LRRC4C: variants seen among roughly 807,000 people sequenced by gnomAD.
LRRC4C encodes the protein leucine rich repeat containing 4C, also known as leucine-rich repeat-containing protein 4C.
LRRC4C carries 5 observed loss-of-function variants against 33.6 expected under a neutral mutation model. The observed-to-expected ratio is 0.15, with a 90% confidence interval of 0.08 to 0.31. LRRC4C has a LOEUF of 0.31. Among genes scored for constraint, LRRC4C ranks in the 10% least tolerant of loss-of-function variants. LRRC4C has a pLI of 1.00. For missense variants in LRRC4C, 560 were observed against 796.7 expected (o/e 0.70, Z 3.58); for synonymous variants, 329 against 302.0 (o/e 1.09, Z -0.93).
intron 1 of LRRC4C, among the ~76,000 whole-genome samples, chr11:41,380,503 A>G (rs1025751910): frequency 2.6e-5 from 4 of 152,182 alleles, no homozygotes; most frequent in Non-Finnish European, 5.9e-5. Context: ...AAATTCACAA[A>G]TAAACTGGGG....
intron 2 of LRRC4C, among the ~76,000 whole-genome samples, chr11:40,662,103 A>C (rs562744287): frequency 1.3e-5 from 2 of 152,372 alleles, no homozygotes; most frequent in South Asian, 2.1e-4. Context: ...TTTAAAAGTT[A>C]CAAATCATGC....
intron 5 of LRRC4C, among the ~76,000 whole-genome samples, chr11:40,182,503 A>C (rs1017982892): frequency 6.6e-6 from 1 of 152,258 alleles, no homozygotes; most frequent in Non-Finnish European, 1.5e-5. Flanking sequence ...TAAATGCCAC[A>C]GAATAAGTAA....
intron 1 of LRRC4C, among the ~76,000 whole-genome samples, chr11:41,335,212 G>A (rs975803292): frequency 3.3e-5 from 5 of 152,106 alleles, no homozygotes; most frequent in African/African-American, 1.2e-4. Flanking sequence ...CATAGTGCTT[G>A]GAATATAAAG....
At chr11:41,457,261 A>T (rs1590341515) in intron 1 of LRRC4C, among the ~76,000 whole-genome samples, 1 of 152,290 alleles carries the variant, frequency 6.6e-6, no homozygotes, top group East Asian at 1.9e-4. Context: ...AATTTGCCAA[A>T]TTCCAGAACG....
intron 1 of LRRC4C, among the ~76,000 whole-genome samples, chr11:41,066,443 G>A (rs1938245843): frequency 1.3e-5 from 2 of 152,142 alleles, no homozygotes; most frequent in South Asian, 4.1e-4. Flanking sequence ...GTGATTAATT[G>A]GAGTACCTGC....
chr11:40,831,747 G>C (rs1475739701), intron 2 of LRRC4C, among the ~76,000 whole-genome samples: 23 of 152,074 alleles, frequency 1.5e-4, no homozygotes, highest in Admixed American at 1.5e-3. Context: ...AGGCAAGAGA[G>C]CATGTGCAGG....
At chr11:41,275,885 C>T (rs189169705) in intron 1 of LRRC4C, among the ~76,000 whole-genome samples, 1 of 152,266 alleles carries the variant, frequency 6.6e-6, no homozygotes, top group East Asian at 1.9e-4. Flanking sequence ...ATGATTTTCT[C>T]TATACAAACG....
At chr11:40,820,150 C>T (rs189309610) in intron 2 of LRRC4C, among the ~76,000 whole-genome samples, 5 of 151,624 alleles carry the variant, frequency 3.3e-5, no homozygotes, top group Non-Finnish European at 7.4e-5. Flanking sequence ...TTAAAGGGAT[C>T]GAAATAGAAA....
chr11:41,267,661 G>A (rs914602035), intron 1 of LRRC4C, among the ~76,000 whole-genome samples: 1 of 152,016 alleles, frequency 6.6e-6, no homozygotes, highest in African/African-American at 2.4e-5. Flanking sequence ...GCATGGAAAT[G>A]GTGCAGATTT....
chr11:40,129,179 G>C (rs1856474958), intron 6 of LRRC4C, among the ~76,000 whole-genome samples: 1 of 152,106 alleles, frequency 6.6e-6, no homozygotes, highest in African/African-American at 2.4e-5. Context: ...AGGACCCATA[G>C]GATGTCATAC....
chr11:41,251,754 A>T (rs1017176959), intron 1 of LRRC4C, among the ~76,000 whole-genome samples: 2 of 152,138 alleles, frequency 1.3e-5, no homozygotes, highest in Non-Finnish European at 2.9e-5. Context: ...CATATTACCA[A>T]AGTAACACAA....
At chr11:40,433,741 T>C (rs920979591) in intron 3 of LRRC4C, among the ~76,000 whole-genome samples, 9 of 152,162 alleles carry the variant, frequency 5.9e-5, no homozygotes, top group African/African-American at 1.9e-4. Flanking sequence ...AGAGGATATA[T>C]GTGTAAAAGG....
At chr11:40,417,138 T>C (rs117821898) in intron 3 of LRRC4C, among the ~76,000 whole-genome samples, 2,140 of 152,314 alleles carry the variant, frequency 0.014, 21 homozygotes, top group Non-Finnish European at 0.021. Context: ...TATATGACCT[T>C]GGTCCAGTCA....
At chr11:41,234,914 G>T (rs989747547) in intron 1 of LRRC4C, among the ~76,000 whole-genome samples, 2 of 151,970 alleles carry the variant, frequency 1.3e-5, no homozygotes, top group African/African-American at 2.4e-5. Context: ...AATCACTATG[G>T]TATAACATCC....
intron 2 of LRRC4C, among the ~76,000 whole-genome samples, chr11:40,734,550 C>T (rs745358406): frequency 2.0e-5 from 3 of 152,090 alleles, no homozygotes; most frequent in Non-Finnish European, 2.9e-5. Context: ...AGGTTAAAAA[C>T]GGATCCCTCC....
chr11:40,268,276 T>C (rs1942433833), intron 4 of LRRC4C, among the ~76,000 whole-genome samples: 1 of 152,182 alleles, frequency 6.6e-6, no homozygotes, highest in Admixed American at 6.5e-5. Flanking sequence ...GAGAAACTAC[T>C]ACCATTAAAT....
At chr11:40,863,597 A>G (rs2135869079) in intron 2 of LRRC4C, among the ~76,000 whole-genome samples, 1 of 152,290 alleles carries the variant, frequency 6.6e-6, no homozygotes, top group South Asian at 2.1e-4. Flanking sequence ...GGCTTTCTCT[A>G]AGGCTGAAAT....
chr11:40,496,970 C>T lies in LRRC4C; in HGVS notation c.-270+151172G>A, dbSNP rs78275529. Among the ~76,000 whole-genome samples, 791 of 152,260 alleles carry T rather than the reference C, an allele frequency of 5.2e-3. 21 individuals are homozygous for T. Among genetic ancestry groups the T allele is most frequent in the Admixed American group, 0.031 (476 of 15,288 alleles). Reference sequence around the variant, plus strand: ...CTACACAAGTTGTGTTCTTAGCGTCCTCTCATGGCTCCTAAAGATCATCAT... The same window carrying T: ...CTACACAAGTTGTGTTCTTAGCGTCTTCTCATGGCTCCTAAAGATCATCAT... On this transcript the variant is annotated intron_variant, in intron 3 of 6. Coordinates refer to ENST00000528697, the MANE Select transcript of LRRC4C (RefSeq NM_001258419.2).
At chr11:40,873,922 T>A (rs529989419) in intron 2 of LRRC4C, among the ~76,000 whole-genome samples, 3 of 152,320 alleles carry the variant, frequency 2.0e-5, no homozygotes, top group South Asian at 4.1e-4. Flanking sequence ...AGGATATTTG[T>A]AAAAACCATA....
Sources: allele counts gnomAD v4.1 joint callset (sites outside exome capture counted in the v4.1 genomes callset), GRCh38; gene constraint gnomAD v4.1.1; transcripts MANE v1.5; gene names NCBI Gene and HGNC (gene_info 2026-07-23, HGNC 2026-07-21).